The following TPX2 variants were observed in gnomAD, a reference collection of about 807,000 sequenced individuals.
The protein encoded by TPX2 is TPX2 microtubule nucleation factor.
In TPX2, 21 loss-of-function variants were observed where a neutral mutation model predicts 93.6. The observed-to-expected ratio is 0.22, with a 90% CI of 0.16 to 0.32. TPX2 has a LOEUF of 0.32. Among genes scored for constraint, TPX2 ranks in the 10% least tolerant of loss-of-function variants. The probability of loss-of-function intolerance (pLI) is 1.00; values close to 1 mark genes in which losing one functional copy is unlikely to be tolerated. For missense variants in TPX2, 776 were observed against 871.1 expected (o/e 0.89, Z 1.37); for synonymous variants, 281 against 298.3 (o/e 0.94, Z 0.60).
At chr20:31,747,775 T>TC (rs1301735572) in intron 2 of TPX2, among the ~76,000 whole-genome samples, 1 of 150,454 alleles carries the variant, frequency 6.6e-6, no homozygotes. Flanking sequence ...GTGCCTTTTT[T>TC]TTTTTTTTTT....
chr20:31,772,969 G>A (rs958474260), intron 7 of TPX2, among the ~76,000 whole-genome samples: 4 of 144,858 alleles, frequency 2.8e-5, no homozygotes, highest in Non-Finnish European at 4.5e-5. Flanking sequence ...TAGTGCCATC[G>A]GCTTTTTTTT....
chr20:31,757,868 G>T (rs2061861400), intron 3 of TPX2, among the ~76,000 whole-genome samples: 1 of 152,146 alleles, frequency 6.6e-6, no homozygotes, highest in African/African-American at 2.4e-5. Context: ...AAAACTCCAT[G>T]CTCAAATATG....
intron 17 of TPX2, among the ~76,000 whole-genome samples, chr20:31,799,756 C>T (rs2062158462): frequency 1.3e-5 from 2 of 151,544 alleles, no homozygotes; most frequent in African/African-American, 2.4e-5. Context: ...AAAAATTAGC[C>T]GGGCATGGTG....
chr20:31,756,108 G>A (rs6058450), intron 2 of TPX2, among the ~76,000 whole-genome samples: 43,056 of 152,126 alleles, frequency 0.28, 7,475 homozygotes, highest in African/African-American at 0.48. Context: ...TGACAAAACT[G>A]TGTTGAACTC....
At chr20:31,742,092 A>G (rs1467804102) in intron 1 of TPX2, among the ~76,000 whole-genome samples, 1 of 152,112 alleles carries the variant, frequency 6.6e-6, no homozygotes, top group East Asian at 1.9e-4. Flanking sequence ...TGAGAAAAGT[A>G]TAAAATTGTA....
At chr20:31,770,205 T>A (rs2061956431) in intron 5 of TPX2, 138 bp from the exon 6 acceptor site, 1 of 481,092 alleles carries the variant, frequency 2.1e-6, no homozygotes, top group Non-Finnish European at 3.3e-6. Context: ...ACAAGAGAGA[T>A]TAGATTTTTA....
chr20:31,745,353 A>T (rs970512926), intron 2 of TPX2, among the ~76,000 whole-genome samples: 1 of 142,286 alleles, frequency 7.0e-6, no homozygotes, highest in African/African-American at 2.6e-5. Flanking sequence ...TTTTGGAGAC[A>T]GAGTCTCACT....
rs147403945 is a variant in TPX2 at position 31,785,031 on chromosome 20, A to G, written c.1413+1110A>G. 1.6e-3 allele frequency among the ~76,000 whole-genome samples: 251 copies of G among 152,276 alleles called. 2 individuals carry two copies. The highest frequency in any genetic ancestry group is 5.7e-3 in the African/African-American group (237 of 41,550). ...ACCAATGTATTACCTTTGACTGAGT[A>G]CCTAGTTTTGTTTATTGTATTTTCT... On this transcript the variant is annotated intron_variant, in intron 12 of 17. Transcript: ENST00000300403.
intron 2 of TPX2, among the ~76,000 whole-genome samples, chr20:31,749,198 G>A (rs1306841139): frequency 1.3e-5 from 2 of 151,974 alleles, no homozygotes; most frequent in African/African-American, 2.4e-5. Context: ...CACCCGCCTC[G>A]GCCTCCCAAA....
At chr20:31,794,814 TTTGTTG>T (rs375024389) in intron 15 of TPX2, among the ~76,000 whole-genome samples, 23 of 150,608 alleles carry the variant, frequency 1.5e-4, no homozygotes, top group African/African-American at 5.4e-4. Context: ...ACGCACACAT[TTTGTTG>T]TTGTTGTTGT....
In TPX2 at chr20:31,798,469, C is replaced by A. The variant is rs769359500; in HGVS notation, c.2050C>A (p.Gln684Lys). 1 of 1,613,736 alleles carries A rather than the reference C, an allele frequency of 6.2e-7. No individual in the cohort carries two copies. Among genetic ancestry groups the A allele is most frequent in the Admixed American group, 1.7e-5 (1 of 60,016 alleles). ...LEKRMAEVEA[Q>K]KAQQLEEARL... ...GAAGAGAATGGCTGAGGTAGAAGCC[C>A]AGAAAGCCCAGCAGTTGGAGGAGGC... The change falls in exon 17 of 18, where the codon CAG becomes AAG. Residue 684 changes from glutamine to lysine, a missense_variant. Coordinates refer to ENST00000300403, the MANE Select transcript of TPX2 (RefSeq NM_012112.5).
chr20:31,786,448 T>A (rs183213826), intron 12 of TPX2, among the ~76,000 whole-genome samples: 37 of 149,830 alleles, frequency 2.5e-4, no homozygotes, highest in Non-Finnish European at 3.7e-4. Context: ...CAGGCTAGAG[T>A]GCAGAAATGT....
intron 4 of TPX2, 124 bp from the exon 5 acceptor site, chr20:31,766,432 A>C: frequency 9.3e-7 from 1 of 1,079,890 alleles, no homozygotes; most frequent in Non-Finnish European, 1.3e-6. Context: ...AACTGGAACT[A>C]AGGTTTCTGT....
rs763801039 is a variant in TPX2, at chr20:31,778,848, T to C, written c.918T>C (p.Pro306=). The C allele has an allele frequency of 7.5e-5, 121 of 1,606,818 alleles. No individual in the cohort carries two copies. The highest frequency in any genetic ancestry group is 9.1e-5 in the Non-Finnish European group (107 of 1,177,708). Residue 306 remains proline (P), a synonymous_variant, in exon 10 of 18, where the codon CCT becomes CCC. Transcript: ENST00000300403. ...RVTKGCTIVK[P]FNLSQGKKRT... is the part of the protein sequence containing the mutation. ...CTAAGGGATGTACCATTGTTAAGCC[T>C]TTCAACCTGTCCCAAGGAAAGAAAA... is the stretch of plus-strand genomic sequence containing the variant.
intron 2 of TPX2, among the ~76,000 whole-genome samples, chr20:31,744,691 C>A (rs2061773675): frequency 1.3e-5 from 2 of 152,068 alleles, no homozygotes; most frequent in East Asian, 1.9e-4. Context: ...TGCCACTGTA[C>A]CTGGCCAAAT....
At chr20:31,749,494 C>T (rs1179967196) in intron 2 of TPX2, among the ~76,000 whole-genome samples, 1 of 152,082 alleles carries the variant, frequency 6.6e-6, no homozygotes, top group Non-Finnish European at 1.5e-5. Flanking sequence ...GTCATAAGTG[C>T]TCATTAAGTA....
intron 7 of TPX2, among the ~76,000 whole-genome samples, chr20:31,773,183 G>A (rs2061975245): frequency 7.5e-6 from 1 of 132,504 alleles, no homozygotes; most frequent in African/African-American, 2.9e-5. Context: ...ACGGAGTCTC[G>A]CTCTGTTGCC....
At chr20:31,774,782 T>C (rs1299225018) in intron 7 of TPX2, among the ~76,000 whole-genome samples, 1 of 152,232 alleles carries the variant, frequency 6.6e-6, no homozygotes, top group Non-Finnish European at 1.5e-5. Flanking sequence ...TTTTTGTTTT[T>C]GTTTTTGAGA....
intron 10 of TPX2, among the ~76,000 whole-genome samples, chr20:31,780,369 ATAT>A (rs1037686888): frequency 6.6e-6 from 1 of 152,074 alleles, no homozygotes; most frequent in Admixed American, 6.6e-5. Flanking sequence ...GCATTTTTTA[ATAT>A]TATTATTATG....
Sources: gnomAD v4.1 joint callset for allele counts (sites outside exome capture counted in the v4.1 genomes callset) on GRCh38, gnomAD v4.1.1 for gene constraint, MANE v1.5 for transcripts, NCBI Gene and HGNC (gene_info 2026-07-23, HGNC 2026-07-21) for gene names.